Variants in SLC28A1 observed in about 807,000 individuals in gnomAD.
SLC28A1 encodes the protein solute carrier family 28 member 1.
Under a neutral mutation model 74.8 loss-of-function variants are expected in SLC28A1, and 64 were observed. The observed-to-expected ratio is 0.86, with a 90% confidence interval of 0.70 to 1.05. The LOEUF (loss-of-function observed/expected upper bound fraction) is 1.05. Ranked by LOEUF, SLC28A1 falls within the 50% of genes least tolerant of loss-of-function variation. SLC28A1 has a pLI of 0.00. For missense variants in SLC28A1, 828 were observed against 822.8 expected (o/e 1.01, Z -0.08); for synonymous variants, 359 against 335.0 (o/e 1.07, Z -0.78).
intron 9 of SLC28A1, among the ~76,000 whole-genome samples, chr15:84,910,409 G>T (rs762353399): frequency 3.3e-5 from 5 of 152,168 alleles, no homozygotes; most frequent in South Asian, 4.1e-4. Flanking sequence ...AGGCAGGGAG[G>T]CTCCCGCAGC....
chr15:84,905,768 A>C, intron 8 of SLC28A1, 116 bp downstream of exon 8: 1 of 819,290 alleles, frequency 1.2e-6, no homozygotes, highest in Non-Finnish European at 2.1e-6. Flanking sequence ...TGGGACCTGG[A>C]GGGTGGGGTG....
chr15:84,974,855 T>C, the SLC28A1 span, among the ~76,000 whole-genome samples: 6 of 152,132 alleles, frequency 3.9e-5, no homozygotes, highest in South Asian at 2.1e-4. Context: ...ACGTGTGCTA[T>C]TTCCCCACTG....
At chr15:84,948,064 A>G (rs2079293757), downstream of SLC28A1, among the ~76,000 whole-genome samples, 1 of 152,128 alleles carries the variant, frequency 6.6e-6, no homozygotes. Context: ...ACTCTGTCCT[A>G]GACAATGCAT....
chr15:84,935,958 T>TTTTTTG (rs1971863083), intron 15 of SLC28A1, among the ~76,000 whole-genome samples: 1 of 129,986 alleles, frequency 7.7e-6, no homozygotes, highest in Non-Finnish European at 1.6e-5. Context: ...TTTGTTTTTT[T>TTTTTTG]TTTTTTTTTT....
At chr15:84,904,991 G>C (rs913003842) in intron 7 of SLC28A1, among the ~76,000 whole-genome samples, 5 of 152,192 alleles carry the variant, frequency 3.3e-5, no homozygotes, top group Non-Finnish European at 7.3e-5. Context: ...ACACACCTGA[G>C]CTTGGACTCA....
chr15:84,969,145 G>A, the SLC28A1 span, among the ~76,000 whole-genome samples: 1 of 152,230 alleles, frequency 6.6e-6, no homozygotes, highest in South Asian at 2.1e-4. Flanking sequence ...CTCTGTGGCT[G>A]AGTCTCTGCG....
At chr15:84,965,490 C>T in the SLC28A1 span, among the ~76,000 whole-genome samples, 60 of 152,214 alleles carry the variant, frequency 3.9e-4, no homozygotes, top group African/African-American at 1.4e-3. Context: ...AGCCATTTTC[C>T]CTTCTTTTCT....
intron 8 of SLC28A1, 70 bp from the exon 9 acceptor site, chr15:84,908,647 GC>G: frequency 1.5e-6 from 2 of 1,340,964 alleles, no homozygotes; most frequent in Non-Finnish European, 2.1e-6. Flanking sequence ...CCTGTCTCTG[GC>G]CGCTGCTTCC....
At chr15:84,891,940 G>C (rs1403446290) in intron 5 of SLC28A1, among the ~76,000 whole-genome samples, 1 of 152,046 alleles carries the variant, frequency 6.6e-6, no homozygotes, top group Non-Finnish European at 1.5e-5. Context: ...AGAGATGTCC[G>C]ATGGAGCAAG....
chr15:84,967,905 G>A, the SLC28A1 span, among the ~76,000 whole-genome samples: 3 of 152,124 alleles, frequency 2.0e-5, no homozygotes, highest in South Asian at 2.1e-4. Flanking sequence ...AGGGACAGAC[G>A]CACTAGACGC....
the SLC28A1 span, among the ~76,000 whole-genome samples, chr15:84,966,248 T>G: frequency 6.6e-6 from 1 of 151,962 alleles, no homozygotes; most frequent in African/African-American, 2.4e-5. Context: ...CAGCTAATTT[T>G]TGTATTTTTA....
At chr15:84,887,390 A>G (rs930317259) in intron 2 of SLC28A1, 2 of 985,284 alleles carry the variant, frequency 2.0e-6, no homozygotes, top group Admixed American at 6.1e-5. Context: ...TTACAGGTTC[A>G]GATGTGGGTG....
rs116070802 is a variant in SLC28A1, at chr15:84,935,370, C to T, written c.1433C>T (p.Ala478Val). The T allele has an allele frequency of 5.5e-5, 89 of 1,614,186 alleles. No homozygotes were observed. The African/African-American group carries it at 5.9e-4, about 11-fold the overall frequency. ...CCTGTAGCCTTCTTGATGGGTGTGG[C>T]GTGGGAGGACTGCCCAGTGGTAGCT... ...LRPVAFLMGV[A>V]WEDCPVVAEL... Residue 478 changes from alanine (A) to valine (V), a missense_variant, in exon 15 of 19, where the codon GCG becomes GTG. By Grantham distance (64) the Ala-to-Val change is moderately conservative. Around this residue, in one of 3 missense-constraint regions of SLC28A1, gnomAD observed 767 missense variants for 753.5 expected, o/e 1.02. Coordinates refer to ENST00000394573, the MANE Select transcript of SLC28A1 (RefSeq NM_004213.5).
chr15:84,921,429 A>G (rs1200109464), intron 11 of SLC28A1, among the ~76,000 whole-genome samples: 3 of 152,164 alleles, frequency 2.0e-5, no homozygotes, highest in Non-Finnish European at 4.4e-5. Flanking sequence ...CTTCAAATCC[A>G]GGTTTTCTTC....
At chr15:84,955,297 G>A in the SLC28A1 span, among the ~76,000 whole-genome samples, 1 of 152,144 alleles carries the variant, frequency 6.6e-6, no homozygotes, top group Admixed American at 6.5e-5. Flanking sequence ...CATAATGGAT[G>A]GTAGTGGTTT....
At chr15:84,914,092 G>A (rs1021942373) in intron 9 of SLC28A1, among the ~76,000 whole-genome samples, 1 of 152,208 alleles carries the variant, frequency 6.6e-6, no homozygotes, top group Non-Finnish European at 1.5e-5. Context: ...GGGACTGCAG[G>A]CACATGCCAC....
chr15:84,934,992 G>T, intron 13 of SLC28A1, 34 bp from the exon 14 acceptor site: 1 of 1,599,936 alleles, frequency 6.3e-7, no homozygotes, highest in Non-Finnish European at 8.6e-7. Context: ...TGTGGAGACA[G>T]GCCAGTAATG....
chr15:84,916,266 G>T (rs1969093624), intron 9 of SLC28A1, among the ~76,000 whole-genome samples: 1 of 113,104 alleles, frequency 8.8e-6, no homozygotes, highest in African/African-American at 3.9e-5. Context: ...TTCAAACATG[G>T]GGTCTTACTC....
chr15:84,932,354 T>A (rs1224505819), intron 12 of SLC28A1, among the ~76,000 whole-genome samples: 2 of 151,954 alleles, frequency 1.3e-5, no homozygotes, highest in Admixed American at 1.3e-4. Context: ...AAGCAAAGGG[T>A]TTGGGGTCCC....
Sources: allele counts gnomAD v4.1 joint callset (sites outside exome capture counted in the v4.1 genomes callset), GRCh38; gene constraint gnomAD v4.1.1; regional missense constraint gnomAD v4.1.1; transcripts MANE v1.5; gene names NCBI Gene and HGNC (gene_info 2026-07-23, HGNC 2026-07-21).